The following NDST3 variants were observed in gnomAD, a reference collection of about 807,000 sequenced individuals.
NDST3 encodes N-deacetylase and N-sulfotransferase 3.
NDST3 carries 58 observed loss-of-function variants against 96.1 expected under a neutral mutation model. That is an observed-to-expected ratio of 0.60 (90% CI 0.49 to 0.75). The LOEUF is 0.75. Ranked by LOEUF, NDST3 falls within the 30% of genes least tolerant of loss-of-function variation. The probability of loss-of-function intolerance (pLI) is 0.00; values close to 1 mark genes in which losing one functional copy is unlikely to be tolerated. For missense variants in NDST3, 788 were observed against 1,034.2 expected, an observed-to-expected ratio of 0.76 and a Z score of 3.27; for synonymous variants, 333 against 359.7, an observed-to-expected ratio of 0.93 and a Z score of 0.84.
In NDST3 at chr4:118,172,037, G is replaced by A. The variant is rs116243750; in HGVS notation, c.1539+28353G>A. 5.3e-3 allele frequency among the ~76,000 whole-genome samples: 802 copies of A among 152,296 alleles called. 14 individuals are homozygous for A. Among genetic ancestry groups the A allele is most frequent in the African/African-American group, 0.018 (760 of 41,550 alleles). Reference sequence around the variant, plus strand: ...CAATAATAATAGAGGTCTCTCTTATGAGAAATTGGTTATTTAGTAGACATT... The same window carrying A: ...CAATAATAATAGAGGTCTCTCTTATAAGAAATTGGTTATTTAGTAGACATT... On this transcript the variant is annotated intron_variant, in intron 6 of 13. Coordinates refer to ENST00000296499, the MANE Select transcript of NDST3 (RefSeq NM_004784.3).
At chr4:118,145,025 G>A (rs1733843850) in intron 6 of NDST3, among the ~76,000 whole-genome samples, 1 of 152,190 alleles carries the variant, frequency 6.6e-6, no homozygotes, top group Admixed American at 6.5e-5. Context: ...TTGGAGGAAT[G>A]TGATATTTGG....
At chr4:118,096,574 T>C (rs1729320908) in intron 2 of NDST3, among the ~76,000 whole-genome samples, 1 of 151,850 alleles carries the variant, frequency 6.6e-6, no homozygotes, top group Non-Finnish European at 1.5e-5. Flanking sequence ...TCATGATATA[T>C]ATAAAAGATA....
At chr4:118,081,881 T>TGCA (rs1437645693) in intron 2 of NDST3, among the ~76,000 whole-genome samples, 1 of 152,198 alleles carries the variant, frequency 6.6e-6, no homozygotes, top group African/African-American at 2.4e-5. Context: ...AACAATTTCC[T>TGCA]GCAGCATTGA....
intron 6 of NDST3, among the ~76,000 whole-genome samples, chr4:118,218,090 C>T (rs1412696797): frequency 6.6e-6 from 1 of 151,680 alleles, no homozygotes; most frequent in Non-Finnish European, 1.5e-5. Flanking sequence ...AGACCAGATA[C>T]ACAGCCGAAT....
At chr4:118,203,485 G>GTCAATTTC in intron 6 of NDST3, among the ~76,000 whole-genome samples, 1 of 152,162 alleles carries the variant, frequency 6.6e-6, no homozygotes, top group East Asian at 1.9e-4. Flanking sequence ...TTCAATTTCA[G>GTCAATTTC]AAGTCGATAG....
At chr4:118,084,104 T>G (rs1247320175) in intron 2 of NDST3, among the ~76,000 whole-genome samples, 1 of 152,150 alleles carries the variant, frequency 6.6e-6, no homozygotes, top group Non-Finnish European at 1.5e-5. Context: ...TACAAAGTAG[T>G]AGATATGTAG....
At chr4:118,147,674 C>T (rs1183021902) in intron 6 of NDST3, among the ~76,000 whole-genome samples, 2 of 152,240 alleles carry the variant, frequency 1.3e-5, no homozygotes, top group East Asian at 3.9e-4. Context: ...AACAAGTTTC[C>T]AGTTCCACCT....
chr4:118,058,632 TGTGCGCGC>T (rs1316713553), intron 2 of NDST3, among the ~76,000 whole-genome samples: 57 of 18,732 alleles, frequency 3.0e-3, no homozygotes, highest in African/African-American at 5.1e-3. Flanking sequence ...TGTGTGTGTG[TGTGCGCGC>T]GCGCGCACGC....
At chr4:118,172,461 T>C (rs145629296) in intron 6 of NDST3, among the ~76,000 whole-genome samples, 2 of 152,302 alleles carry the variant, frequency 1.3e-5, no homozygotes, top group Admixed American at 6.5e-5. Context: ...TTATAGATGA[T>C]TGTACAGACT....
At chr4:118,217,032 T>A (rs957304164) in intron 6 of NDST3, among the ~76,000 whole-genome samples, 4 of 152,052 alleles carry the variant, frequency 2.6e-5, no homozygotes, top group Admixed American at 6.6e-5. Flanking sequence ...TAAGAAAATG[T>A]CAGAAAGACA....
intron 12 of NDST3, among the ~76,000 whole-genome samples, chr4:118,250,646 G>A (rs1469888245): frequency 6.6e-6 from 1 of 152,042 alleles, no homozygotes; most frequent in Admixed American, 6.6e-5. Flanking sequence ...CACCATGCCC[G>A]GCTAATTTTG....
In NDST3 at chr4:118,169,732, T is replaced by C. The variant is rs1447474524; in HGVS notation, c.1539+26048T>C. ...TCGCTTGAACCCAGGAGGCGGAGGT[T>C]GCAGTCAGCCAAGATCAGGCCACTG... is the stretch of plus-strand genomic sequence containing the variant. On this transcript the variant is annotated intron_variant, in intron 6 of 13. Transcript: ENST00000296499. 2.0e-5 allele frequency among the ~76,000 whole-genome samples: 3 copies of C among 150,754 alleles called. No individual in the cohort carries two copies. The East Asian group carries it at 5.8e-4, about 29-fold the overall frequency.
intron 12 of NDST3, among the ~76,000 whole-genome samples, chr4:118,252,820 G>C (rs1419956156): frequency 1.3e-5 from 2 of 152,180 alleles, no homozygotes; most frequent in Non-Finnish European, 2.9e-5. Context: ...GAACCCGAGA[G>C]GTGGAGGTTG....
intron 1 of NDST3, among the ~76,000 whole-genome samples, chr4:118,049,460 C>A (rs7683791): frequency 0.64 from 97,067 of 151,644 alleles, 34,408 homozygotes; most frequent in South Asian, 0.82. Flanking sequence ...AAAATAAACA[C>A]GACCGATAGA....
chr4:118,152,024 A>G (rs1734431342), intron 6 of NDST3, among the ~76,000 whole-genome samples: 1 of 152,242 alleles, frequency 6.6e-6, no homozygotes, highest in Non-Finnish European at 1.5e-5. Context: ...GTGTCTAAAC[A>G]TAATATGTTT....
chr4:118,194,164 C>T, intron 6 of NDST3: 1 of 818,844 alleles, frequency 1.2e-6, no homozygotes, highest in Non-Finnish European at 2.1e-6. Context: ...ACTGAATGGC[C>T]CTCTCCAGAC....
intron 5 of NDST3, among the ~76,000 whole-genome samples, chr4:118,138,572 C>T (rs549835169): frequency 6.6e-6 from 1 of 152,244 alleles, no homozygotes; most frequent in South Asian, 2.1e-4. Flanking sequence ...AAAACTAACA[C>T]CAACTCTGTC....
At chr4:118,113,934 G>C (rs1014457749) in intron 3 of NDST3, among the ~76,000 whole-genome samples, 1 of 151,986 alleles carries the variant, frequency 6.6e-6, no homozygotes, top group Non-Finnish European at 1.5e-5. Flanking sequence ...GATATGCCTA[G>C]GGAAGTACAA....
intron 2 of NDST3, among the ~76,000 whole-genome samples, chr4:118,065,592 A>G (rs550858982): frequency 6.6e-6 from 1 of 152,180 alleles, no homozygotes; most frequent in East Asian, 1.9e-4. Context: ...GTTGATTAGG[A>G]CTACCACATA....
Sources: allele counts gnomAD v4.1 joint callset (sites outside exome capture counted in the v4.1 genomes callset), GRCh38; gene constraint gnomAD v4.1.1; transcripts MANE v1.5; gene names NCBI Gene and HGNC (gene_info 2026-07-23, HGNC 2026-07-21).